Variants in PCDHA9 observed in about 807,000 individuals in gnomAD.
The protein encoded by PCDHA9 is protocadherin alpha-9.
Under a neutral mutation model 62.0 loss-of-function variants are expected in PCDHA9, and 62 were observed. The ratio of observed to expected loss-of-function variants is 1.00; its 90% confidence interval spans 0.81 to 1.23. PCDHA9 has a LOEUF of 1.23. Ranked by LOEUF, PCDHA9 falls within the 50% of genes most tolerant of loss-of-function variation. The pLI is 0.00. For synonymous variants in PCDHA9, 557 were observed against 567.6 expected, an observed-to-expected ratio of 0.98 and a Z score of 0.27; for missense variants, 1,205 against 1,249.8, an observed-to-expected ratio of 0.96 and a Z score of 0.54.
chr5:140,855,882 T>C (rs1248405239), intron 1 of PCDHA9: 3 of 945,936 alleles, frequency 3.2e-6, no homozygotes, highest in Admixed American at 3.1e-5. Context: ...AATAGCTTTT[T>C]AGAACAAAGG....
intron 1 of PCDHA9, chr5:140,967,716 T>C: frequency 1.2e-6 from 2 of 1,613,914 alleles, no homozygotes; most frequent in Non-Finnish European, 1.7e-6. Context: ...ACCGGGGAAG[T>C]GCGAGTAATT....
intron 1 of PCDHA9, chr5:140,968,901 T>A (rs1321022294): frequency 6.2e-7 from 1 of 1,614,106 alleles, no homozygotes; most frequent in Non-Finnish European, 8.5e-7. Flanking sequence ...ATAATAGCAT[T>A]AAGCACAGTG....
chr5:140,863,553 A>C, intron 1 of PCDHA9: 2 of 378,210 alleles, frequency 5.3e-6, no homozygotes, highest in South Asian at 4.1e-5. Context: ...TTCAATAGGA[A>C]ATTTTTGAGA....
intron 1 of PCDHA9, among the ~76,000 whole-genome samples, chr5:140,946,263 G>T (rs1168857420): frequency 6.6e-6 from 1 of 151,750 alleles, no homozygotes; most frequent in East Asian, 1.9e-4. Flanking sequence ...AGAAAAATGC[G>T]AATTAAAACC....
rs2098422926 is a variant in PCDHA9 at position 141,012,085 on chromosome 5, G to A, written c.*2148G>A. The A allele has an allele frequency of 1.3e-5, 2 of 153,740 alleles. No homozygotes were observed. Among genetic ancestry groups the A allele is most frequent in the Admixed American group, 1.3e-4 (2 of 15,280 alleles). 9.5% of individuals were successfully genotyped at this position (153,740 alleles called of 1,614,324 possible). A position where few individuals can be genotyped will look rare whatever the true frequency, so the allele number is the denominator to read the frequency against. ...ACATGTGAACCATTGCTACATTGTAGGTTGTGATCATTTTGCCCCACTGAA... is the reference window on the plus strand; with the variant it reads ...ACATGTGAACCATTGCTACATTGTAAGTTGTGATCATTTTGCCCCACTGAA... On this transcript the variant is annotated 3_prime_UTR_variant, in exon 4 of 4. Coordinates refer to ENST00000532602, the MANE Select transcript of PCDHA9 (RefSeq NM_031857.2).
intron 1 of PCDHA9, among the ~76,000 whole-genome samples, chr5:140,900,353 C>T (rs1426808430): frequency 6.6e-6 from 1 of 152,092 alleles, no homozygotes; most frequent in Non-Finnish European, 1.5e-5. Flanking sequence ...TCTTGGCTCA[C>T]CGCAACCTCT....
At chr5:140,941,241 T>TTCTTTCTTTCTTTCTTTCTTTC in intron 1 of PCDHA9, among the ~76,000 whole-genome samples, 2 of 140,458 alleles carry the variant, frequency 1.4e-5, no homozygotes, top group South Asian at 4.5e-4. Context: ...CTTTCTTTCT[T>TTCTTTCTTTCTTTCTTTCTTTC]TCTTTCTTTC....
At chr5:140,851,173 A>G in intron 1 of PCDHA9, 1 of 1,267,370 alleles carries the variant, frequency 7.9e-7, no homozygotes, top group South Asian at 2.8e-5. Context: ...CTGCCATAAC[A>G]CTTGAAAACC....
chr5:140,934,868 G>A (rs2090080725), intron 1 of PCDHA9, among the ~76,000 whole-genome samples: 1 of 152,128 alleles, frequency 6.6e-6, no homozygotes, highest in African/African-American at 2.4e-5. Flanking sequence ...CTTTGTGAGT[G>A]TGTTTGTGTA....
At chr5:140,978,913 T>C in intron 1 of PCDHA9, 36 bp from the exon 2 acceptor site, 1 of 1,613,902 alleles carries the variant, frequency 6.2e-7, no homozygotes, top group Non-Finnish European at 8.5e-7. Flanking sequence ...CATTGTCTTG[T>C]CATTTTAACA....
intron 1 of PCDHA9, among the ~76,000 whole-genome samples, chr5:140,941,194 T>TCTTTCTTC (rs781885331): frequency 0.027 from 3,012 of 112,124 alleles, 85 homozygotes; most frequent in African/African-American, 0.068. Flanking sequence ...TCTTTTTTTT[T>TCTTTCTTC]CTTTCTTCCT....
At position 140,901,836 on chromosome 5, in the gene PCDHA9, G is replaced by A. The variant is rs183480993; in HGVS notation, c.2394+50947G>A. On this transcript the variant is annotated intron_variant, in intron 1 of 3. Coordinates refer to ENST00000532602, the MANE Select transcript of PCDHA9 (RefSeq NM_031857.2). The stretch of plus-strand genomic sequence containing the variant: ...ATTGATTCTTCCAGTCCATAAACAT[G>A]CAATATCTTTCCATTTTTTTGTGTC... 2.6e-3 allele frequency among the ~76,000 whole-genome samples: 395 copies of A among 152,228 alleles called. 2 individuals carry two copies. The highest frequency in any genetic ancestry group is 9.2e-3 in the African/African-American group (384 of 41,554).
At position 140,895,904 on chromosome 5, in the gene PCDHA9, C is replaced by A. The variant is rs956599707; in HGVS notation, c.2394+45015C>A. Among the ~76,000 whole-genome samples, 7 of 152,138 alleles carry A rather than the reference C, an allele frequency of 4.6e-5. No homozygotes were observed. In the South Asian group the frequency reaches 1.5e-3, roughly 32 times the overall value. On this transcript the variant is annotated intron_variant, in intron 1 of 3. Transcript: ENST00000532602. ...TCGGCTCACTGCAACCTCCGCGTCC[C>A]GGGCTCAACAATTATCCTGCCTCAG...
At chr5:140,873,755 T>C (rs1273886734) in intron 1 of PCDHA9, among the ~76,000 whole-genome samples, 1 of 152,098 alleles carries the variant, frequency 6.6e-6, no homozygotes, top group African/African-American at 2.4e-5. Flanking sequence ...CCACCTCCCA[T>C]GTTCAAGCAA....
chr5:140,995,654 A>C (rs1183016354), intron 3 of PCDHA9, among the ~76,000 whole-genome samples: 2 of 152,184 alleles, frequency 1.3e-5, no homozygotes, highest in Non-Finnish European at 1.5e-5. Flanking sequence ...AGGAGAATCG[A>C]AAAGGGAAGT....
At chr5:140,863,693 C>G (rs2048122696) in intron 1 of PCDHA9, 2 of 301,444 alleles carry the variant, frequency 6.6e-6, no homozygotes, top group African/African-American at 2.2e-5. Flanking sequence ...TTTTGAGATG[C>G]TTTATTTAAA....
intron 1 of PCDHA9, among the ~76,000 whole-genome samples, chr5:140,917,324 C>CGGGGGG (rs1299895515): frequency 3.9e-5 from 3 of 76,174 alleles, no homozygotes; most frequent in East Asian, 7.2e-4. Flanking sequence ...GTTCATGTGG[C>CGGGGGG]GGGGGAGGGG....
Position 140,925,562 on chromosome 5 carries a change from G to A in PCDHA9, c.2395-53387G>A, listed in dbSNP as rs28620116. On this transcript the variant is annotated intron_variant, in intron 1 of 3. Transcript: ENST00000532602. ...ACCTAATGTAAATGACAAGTTAATG[G>A]GTGCAGCACACCAACATGGCGCATG... 5.5e-3 allele frequency among the ~76,000 whole-genome samples: 841 copies of A among 151,670 alleles called. 7 individuals carry two copies. The highest frequency in any genetic ancestry group is 0.018 in the African/African-American group (764 of 41,334).
chr5:141,010,343 G>C lies in PCDHA9; in HGVS notation c.*406G>C. 1 of 1,518,858 alleles carries C rather than the reference G, an allele frequency of 6.6e-7. No homozygotes were observed. Among genetic ancestry groups the C allele is most frequent in the Admixed American group, 2.1e-5 (1 of 46,514 alleles). 94.1% of individuals were successfully genotyped at this position (1,518,858 alleles called of 1,614,324 possible). A position where few individuals can be genotyped will look rare whatever the true frequency, so the allele number is the denominator to read the frequency against. On this transcript the variant is annotated 3_prime_UTR_variant, in exon 4 of 4. Coordinates refer to ENST00000532602, the MANE Select transcript of PCDHA9 (RefSeq NM_031857.2). ...GCAGCTTGGGAGTTTGTGGCCACTGGGTATGTGTGGCTACCGCGGGTATGC... is the reference window on the plus strand; with the variant it reads ...GCAGCTTGGGAGTTTGTGGCCACTGCGTATGTGTGGCTACCGCGGGTATGC...
Sources: allele counts gnomAD v4.1 joint callset (sites outside exome capture counted in the v4.1 genomes callset), GRCh38; gene constraint gnomAD v4.1.1; transcripts MANE v1.5; gene names NCBI Gene and HGNC (gene_info 2026-07-23, HGNC 2026-07-21).